The following OR1J2 variants were observed in gnomAD, a reference collection of about 807,000 sequenced individuals.
OR1J2 encodes the protein olfactory receptor family 1 subfamily J member 2.
For missense variants in OR1J2, 304 were observed against 246.1 expected, an observed-to-expected ratio of 1.24 and a Z score of -1.57; for synonymous variants, 142 against 99.7, an observed-to-expected ratio of 1.42 and a Z score of -2.52.
At chr9:122,519,388 T>C in the OR1J2 span, 1 of 1,614,190 alleles carries the variant, frequency 6.2e-7, no homozygotes. Context: ...AAGATGTTAT[T>C]AAGCATGCAA....
the OR1J2 span, among the ~76,000 whole-genome samples, chr9:122,520,355 G>A: frequency 6.6e-6 from 1 of 152,134 alleles, no homozygotes; most frequent in Non-Finnish European, 1.5e-5. Context: ...TTTGTTCTTA[G>A]GAATTGTTTA....
At chr9:122,486,678 G>A in the OR1J2 span, among the ~76,000 whole-genome samples, 1 of 152,132 alleles carries the variant, frequency 6.6e-6, no homozygotes, top group Non-Finnish European at 1.5e-5. Flanking sequence ...TCACAAAATG[G>A]CATTATTCTC....
the OR1J2 span, among the ~76,000 whole-genome samples, chr9:122,557,142 G>T: frequency 6.6e-6 from 1 of 151,794 alleles, no homozygotes; most frequent in Non-Finnish European, 1.5e-5. Flanking sequence ...TGGATATTTT[G>T]GATTTTCTGT....
At chr9:122,530,890 A>G in the OR1J2 span, among the ~76,000 whole-genome samples, 1 of 152,150 alleles carries the variant, frequency 6.6e-6, no homozygotes, top group Non-Finnish European at 1.5e-5. Context: ...GGAACAGGTC[A>G]TTTTCACTTC....
At chr9:122,488,906 C>T in the OR1J2 span, among the ~76,000 whole-genome samples, 1 of 151,814 alleles carries the variant, frequency 6.6e-6, no homozygotes, top group African/African-American at 2.4e-5. Context: ...GCAGAATGTG[C>T]AGGTTTGTTA....
At chr9:122,488,597 A>G in the OR1J2 span, among the ~76,000 whole-genome samples, 4 of 152,246 alleles carry the variant, frequency 2.6e-5, no homozygotes, top group Non-Finnish European at 4.4e-5. Flanking sequence ...GTGATGACAC[A>G]TAATAATAGT....
At chr9:122,526,837 C>A in the OR1J2 span, 3 of 1,613,886 alleles carry the variant, frequency 1.9e-6, no homozygotes, top group African/African-American at 4.0e-5. Flanking sequence ...GTCAGGGCAA[C>A]GATATTGGTG....
At chr9:122,515,073 C>G (rs1006941375), downstream of OR1J2, among the ~76,000 whole-genome samples, 1 of 152,172 alleles carries the variant, frequency 6.6e-6, no homozygotes, top group Non-Finnish European at 1.5e-5. Flanking sequence ...ATGCAAGTCT[C>G]TAACCGTGAG....
At chr9:122,574,550 C>G in the OR1J2 span, among the ~76,000 whole-genome samples, 1 of 152,094 alleles carries the variant, frequency 6.6e-6, no homozygotes, top group Non-Finnish European at 1.5e-5. Flanking sequence ...GCATTTTGCA[C>G]TCTTGCTGTA....
At chr9:122,515,563 C>T (rs977042365), downstream of OR1J2, among the ~76,000 whole-genome samples, 1 of 152,026 alleles carries the variant, frequency 6.6e-6, no homozygotes, top group African/African-American at 2.4e-5. Context: ...TGGGCATATC[C>T]TCAAAATCCA....
chr9:122,575,160 T>C, the OR1J2 span, among the ~76,000 whole-genome samples: 1 of 152,098 alleles, frequency 6.6e-6, no homozygotes, highest in African/African-American at 2.4e-5. Context: ...ATAGTTTTCT[T>C]ATAATGTCTT....
chr9:122,570,402 C>T, the OR1J2 span, among the ~76,000 whole-genome samples: 1 of 152,238 alleles, frequency 6.6e-6, no homozygotes, highest in Middle Eastern at 3.4e-3. Flanking sequence ...CTTAATACAC[C>T]AGAATTTTCA....
the OR1J2 span, among the ~76,000 whole-genome samples, chr9:122,533,089 G>T: frequency 6.6e-6 from 1 of 152,122 alleles, no homozygotes; most frequent in Admixed American, 6.5e-5. Flanking sequence ...CCGGGATGAA[G>T]GGTGCAAAGG....
At chr9:122,577,767 A>C in the OR1J2 span, among the ~76,000 whole-genome samples, 3 of 152,240 alleles carry the variant, frequency 2.0e-5, no homozygotes, top group Admixed American at 2.0e-4. Flanking sequence ...TATCCAAAGG[A>C]AACAGTTGAA....
At chr9:122,542,003 T>C in the OR1J2 span, among the ~76,000 whole-genome samples, 2 of 152,232 alleles carry the variant, frequency 1.3e-5, no homozygotes, top group African/African-American at 4.8e-5. Context: ...CACTGTCCTC[T>C]CAGAGGTAAT....
chr9:122,561,515 A>G, the OR1J2 span, among the ~76,000 whole-genome samples: 2 of 151,892 alleles, frequency 1.3e-5, no homozygotes, highest in Non-Finnish European at 2.9e-5. Context: ...CCCTTGGATG[A>G]GGTTTTTGTG....
chr9:122,509,522 T>C (rs1828592209), upstream of OR1J2, among the ~76,000 whole-genome samples: 1 of 152,192 alleles, frequency 6.6e-6, no homozygotes, highest in African/African-American at 2.4e-5. Context: ...TTCCCTAAAG[T>C]ATTTTCTCAT....
At chr9:122,492,871 A>G in the OR1J2 span, among the ~76,000 whole-genome samples, 6 of 152,056 alleles carry the variant, frequency 3.9e-5, no homozygotes, top group African/African-American at 1.4e-4. Context: ...TTATTACCTT[A>G]AAGTATGTCC....
chr9:122,552,601 C>T, the OR1J2 span, among the ~76,000 whole-genome samples: 3 of 151,944 alleles, frequency 2.0e-5, no homozygotes, highest in South Asian at 2.1e-4. Context: ...CACCTACTGC[C>T]CTCAGCTCAC....
Sources: gnomAD v4.1 joint callset for allele counts (sites outside exome capture counted in the v4.1 genomes callset) on GRCh38, gnomAD v4.1.1 for gene constraint, MANE v1.5 for transcripts, NCBI Gene and HGNC (gene_info 2026-07-23, HGNC 2026-07-21) for gene names.